Variants in TMPRSS11F observed in about 807,000 individuals in gnomAD.
TMPRSS11F encodes transmembrane serine protease 11F, also known as transmembrane protease serine 11F.
TMPRSS11F carries 47 observed loss-of-function variants against 60.2 expected under a neutral mutation model. That is an observed-to-expected ratio of 0.78 (90% CI 0.62 to 1.00). The LOEUF is 1.00. Among genes scored for constraint, TMPRSS11F ranks in the 50% least tolerant of loss-of-function variants. TMPRSS11F has a pLI of 0.00. For synonymous variants in TMPRSS11F, 166 were observed against 167.3 expected (o/e 0.99, Z 0.06); for missense variants, 519 against 522.9 (o/e 0.99, Z 0.07).
chr4:68,053,795 G>A lies in TMPRSS11F; in HGVS notation c.*114C>T. On this transcript the variant is annotated 3_prime_UTR_variant, in exon 10 of 10. Transcript: ENST00000356291. ...ATATTAGATTTGTCTGGGTCTGAAG[G>A]GCTTCTTGACATCTAGCAAAAGCAC... 1 of 1,076,586 alleles carries A rather than the reference G, an allele frequency of 9.3e-7. No homozygotes were observed. The highest frequency in any genetic ancestry group is 1.3e-6 in the Non-Finnish European group (1 of 746,104). The allele number at this position is 1,076,586 out of a possible 1,614,324, so 66.7% of individuals were successfully genotyped here. A position where few individuals can be genotyped will look rare whatever the true frequency, so the allele number is the denominator to read the frequency against.
At chr4:68,089,520 G>C (rs1041171331) in intron 3 of TMPRSS11F, among the ~76,000 whole-genome samples, 1 of 152,118 alleles carries the variant, frequency 6.6e-6, no homozygotes, top group Non-Finnish European at 1.5e-5. Context: ...ACACATGAAA[G>C]AGAGAGAAAA....
chr4:68,088,427 C>G (rs1723859616), intron 3 of TMPRSS11F, among the ~76,000 whole-genome samples: 1 of 150,652 alleles, frequency 6.6e-6, no homozygotes, highest in Non-Finnish European at 1.5e-5. Flanking sequence ...GACTTAGACT[C>G]CCACACATTA....
intron 3 of TMPRSS11F, chr4:68,077,710 T>G (rs1723613848): frequency 6.6e-6 from 1 of 152,218 alleles, no homozygotes; most frequent in African/African-American, 2.4e-5. Context: ...CTAATCCAGT[T>G]GTAACTGAAG....
chr4:68,078,291 C>T (rs941522744), intron 3 of TMPRSS11F, among the ~76,000 whole-genome samples: 1 of 151,842 alleles, frequency 6.6e-6, no homozygotes, highest in Non-Finnish European at 1.5e-5. Flanking sequence ...CAACTTTTTT[C>T]CCCCCTGGCA....
At chr4:68,124,331 C>A (rs982771601) in intron 1 of TMPRSS11F, among the ~76,000 whole-genome samples, 12 of 152,116 alleles carry the variant, frequency 7.9e-5, no homozygotes. Flanking sequence ...AAGAAAACCC[C>A]GTCTCTACCA....
At chr4:68,118,392 T>A (rs1724565842) in intron 1 of TMPRSS11F, among the ~76,000 whole-genome samples, 1 of 152,156 alleles carries the variant, frequency 6.6e-6, no homozygotes, top group Non-Finnish European at 1.5e-5. Flanking sequence ...AACACAATTT[T>A]GGATAGTTCA....
At chr4:68,128,308 A>G (rs1184620142) in intron 1 of TMPRSS11F, among the ~76,000 whole-genome samples, 1 of 152,146 alleles carries the variant, frequency 6.6e-6, no homozygotes, top group Non-Finnish European at 1.5e-5. Flanking sequence ...AAATCCTCCA[A>G]ATAATAAATG....
intron 3 of TMPRSS11F, among the ~76,000 whole-genome samples, chr4:68,076,289 T>C (rs561341324): frequency 6.6e-6 from 1 of 152,332 alleles, no homozygotes; most frequent in Admixed American, 6.5e-5. Context: ...GCTTTAACTA[T>C]AGTCATTGAA....
At chr4:68,102,334 C>T (rs1327393919) in intron 1 of TMPRSS11F, among the ~76,000 whole-genome samples, 1 of 152,036 alleles carries the variant, frequency 6.6e-6, no homozygotes, top group Non-Finnish European at 1.5e-5. Context: ...GAGTATAAGC[C>T]CAGAAGAGAG....
At chr4:68,054,182 A>G (rs771833115) in intron 9 of TMPRSS11F, 115 bp from the exon 10 acceptor site, 1 of 860,918 alleles carries the variant, frequency 1.2e-6, no homozygotes, top group Non-Finnish European at 1.8e-6. Flanking sequence ...CAGCCAGACT[A>G]CAGACTATAT....
At chr4:68,103,012 T>C (rs1330706017) in intron 1 of TMPRSS11F, among the ~76,000 whole-genome samples, 1 of 134,128 alleles carries the variant, frequency 7.5e-6, no homozygotes, top group African/African-American at 2.7e-5. Flanking sequence ...AGGTGTAAGG[T>C]AGGTTTTAAT....
chr4:68,073,792 T>C (rs774734471), intron 4 of TMPRSS11F, 150 bp downstream of exon 4: 2 of 515,114 alleles, frequency 3.9e-6, no homozygotes, highest in Non-Finnish European at 7.0e-6. Flanking sequence ...CTATTGTGAT[T>C]GGGAAATAAG....
At chr4:68,086,738 T>A (rs796185321) in intron 3 of TMPRSS11F, among the ~76,000 whole-genome samples, 43 of 152,038 alleles carry the variant, frequency 2.8e-4, no homozygotes, top group African/African-American at 9.9e-4. Flanking sequence ...CAGTCTATTA[T>A]GAACACCCCT....
At chr4:68,055,101 C>T (rs989982438) in intron 9 of TMPRSS11F, among the ~76,000 whole-genome samples, 4 of 152,014 alleles carry the variant, frequency 2.6e-5, no homozygotes, top group African/African-American at 9.7e-5. Flanking sequence ...CGCGAAGGAG[C>T]CTGGCAAATG....
At chr4:68,060,418 A>C (rs1292719380) in intron 8 of TMPRSS11F, among the ~76,000 whole-genome samples, 2 of 137,534 alleles carry the variant, frequency 1.5e-5, no homozygotes, top group Non-Finnish European at 3.1e-5. Flanking sequence ...CAGGAGGCTG[A>C]GGCAGGAGAA....
chr4:68,059,399 T>A lies in TMPRSS11F; in HGVS notation c.1085A>T (p.Asp362Val). ...TGGAGTTATCAGGCCATCATACACATCCTTTCTGTTACACACATCAGTGCT... is the reference window on the plus strand; with the variant it reads ...TGGAGTTATCAGGCCATCATACACAACCTTTCTGTTACACACATCAGTGCT... ...TISTDVCNRK[D>V]VYDGLITPGM... Residue 362 changes from aspartate to valine, a missense_variant, in exon 9 of 10, where the codon GAT (aspartate) becomes GTT (valine). Coordinates refer to ENST00000356291, the MANE Select transcript of TMPRSS11F (RefSeq NM_207407.2). 1 of 1,613,992 alleles carries A rather than the reference T, an allele frequency of 6.2e-7. No individual in the cohort carries two copies. Among genetic ancestry groups the A allele is most frequent in the Non-Finnish European group, 8.5e-7 (1 of 1,179,968 alleles).
chr4:68,076,438 T>C (rs1461304577), intron 3 of TMPRSS11F, among the ~76,000 whole-genome samples: 1 of 152,214 alleles, frequency 6.6e-6, no homozygotes, highest in Non-Finnish European at 1.5e-5. Context: ...CCATTAGTTG[T>C]GTGATCTGGC....
intron 1 of TMPRSS11F, among the ~76,000 whole-genome samples, chr4:68,125,022 TGG>T (rs1268377940): frequency 1.2e-4 from 17 of 146,076 alleles, no homozygotes; most frequent in African/African-American, 3.5e-4. Context: ...AATCATGCAT[TGG>T]GAATGCTGCA....
intron 1 of TMPRSS11F, among the ~76,000 whole-genome samples, chr4:68,118,579 G>T (rs921637541): frequency 6.6e-6 from 1 of 152,136 alleles, no homozygotes; most frequent in East Asian, 1.9e-4. Flanking sequence ...TTAGTCATAA[G>T]CTTGGTAAGT....
Sources: allele counts gnomAD v4.1 joint callset (sites outside exome capture counted in the v4.1 genomes callset), GRCh38; gene constraint gnomAD v4.1.1; transcripts MANE v1.5; gene names NCBI Gene and HGNC (gene_info 2026-07-23, HGNC 2026-07-21).